XIRP2: variants seen among roughly 807,000 people sequenced by gnomAD.
The protein encoded by XIRP2 is xin actin binding repeat containing 2.
A neutral mutation model predicts 277.0 loss-of-function variants in XIRP2; 236 were observed. The ratio of observed to expected loss-of-function variants is 0.85; its 90% CI spans 0.77 to 0.95. XIRP2 has a LOEUF of 0.95. XIRP2 is among the 40% of genes least tolerant of loss of function. XIRP2 has a pLI of 0.00. For synonymous variants in XIRP2, 1,490 were observed against 1,416.5 expected, an observed-to-expected ratio of 1.05 and a Z score of -1.17; for missense variants, 4,640 against 4,157.5, an observed-to-expected ratio of 1.12 and a Z score of -3.19.
intron 2 of XIRP2, among the ~76,000 whole-genome samples, chr2:166,932,925 C>T (rs1329865492): frequency 3.3e-5 from 5 of 152,124 alleles, no homozygotes; most frequent in Admixed American, 1.3e-4. Flanking sequence ...AAACCAATAT[C>T]GCACTATCTT....
intron 7 of XIRP2, 150 bp from the exon 8 acceptor site, chr2:167,241,627 C>T (rs1695068813): frequency 2.5e-6 from 2 of 790,604 alleles, no homozygotes; most frequent in Non-Finnish European, 3.7e-6. Context: ...CCAGGCTGGT[C>T]TCACACCCTT....
intron 2 of XIRP2, among the ~76,000 whole-genome samples, chr2:166,952,323 T>C (rs1349600376): frequency 6.6e-6 from 1 of 152,032 alleles, no homozygotes. Flanking sequence ...ACTGTAAGTG[T>C]TCACTGAATT....
At chr2:167,113,363 GTTC>G in intron 2 of XIRP2, among the ~76,000 whole-genome samples, 1 of 152,154 alleles carries the variant, frequency 6.6e-6, no homozygotes, top group East Asian at 1.9e-4. Context: ...AAGATAGTGA[GTTC>G]TTCTTGTTGA....
intron 3 of XIRP2, among the ~76,000 whole-genome samples, chr2:167,187,029 ACT>A (rs1693174699): frequency 6.6e-6 from 1 of 152,112 alleles, no homozygotes; most frequent in South Asian, 2.1e-4. Context: ...CATATTCTTG[ACT>A]CTTAAAAGAT....
At chr2:167,084,154 T>C (rs1400102839) in intron 2 of XIRP2, among the ~76,000 whole-genome samples, 2 of 152,210 alleles carry the variant, frequency 1.3e-5, no homozygotes, top group Admixed American at 6.5e-5. Flanking sequence ...GCATGAATTG[T>C]TGTTGAATTT....
At chr2:166,916,887 A>G (rs1379775473) in intron 2 of XIRP2, among the ~76,000 whole-genome samples, 1 of 152,168 alleles carries the variant, frequency 6.6e-6, no homozygotes, top group African/African-American at 2.4e-5. Context: ...AGATTAATAC[A>G]CCACCTAATT....
At chr2:167,052,564 C>T (rs889040061) in intron 2 of XIRP2, among the ~76,000 whole-genome samples, 7 of 152,062 alleles carry the variant, frequency 4.6e-5, no homozygotes, top group African/African-American at 1.7e-4. Flanking sequence ...CTAAAATACT[C>T]CAAATTTTCT....
chr2:166,965,012 T>C (rs889109712), intron 2 of XIRP2, among the ~76,000 whole-genome samples: 6 of 151,846 alleles, frequency 4.0e-5, no homozygotes, highest in African/African-American at 1.4e-4. Flanking sequence ...ATAAGCACTT[T>C]GAACATCATC....
At chr2:167,015,428 A>G (rs1687794712) in intron 2 of XIRP2, among the ~76,000 whole-genome samples, 1 of 150,462 alleles carries the variant, frequency 6.6e-6, no homozygotes, top group East Asian at 2.1e-4. Flanking sequence ...TTATCTATCT[A>G]TCTATCTATC....
rs758016305 is a variant in XIRP2, at chr2:167,250,195, C to A, written c.8803C>A (p.Arg2935=). The change falls in exon 9 of 11, where the codon CGG becomes AGG. Residue 2935 remains arginine (R), a synonymous_variant. Coordinates refer to ENST00000409195, the MANE Select transcript of XIRP2 (RefSeq NM_152381.6). The part of the protein sequence containing the change: ...SFFSSVKESQ[R]DDGKGALNIV... Reference sequence around the variant, plus strand: ...CTTTTCCTCTGTGAAAGAATCCCAGCGGGATGATGGAAAAGGTGCCTTAAA... The same window carrying A: ...CTTTTCCTCTGTGAAAGAATCCCAGAGGGATGATGGAAAAGGTGCCTTAAA... 8 of 1,613,266 alleles carry A rather than the reference C, an allele frequency of 5.0e-6. No individual in the cohort carries two copies. The African/African-American group carries it at 6.7e-5, about 13-fold the overall frequency.
intron 3 of XIRP2, among the ~76,000 whole-genome samples, chr2:167,154,192 C>T (rs1252902123): frequency 1.3e-5 from 2 of 149,328 alleles, no homozygotes; most frequent in Non-Finnish European, 3.0e-5. Flanking sequence ...TGTTTTTTGG[C>T]TGCATAAATG....
chr2:166,935,467 C>CATTT (rs1685469453), intron 2 of XIRP2, among the ~76,000 whole-genome samples: 1 of 141,190 alleles, frequency 7.1e-6, no homozygotes, highest in African/African-American at 2.5e-5. Context: ...ACAACGTGCA[C>CATTT]GTTTGTTACA....
chr2:167,213,763 T>C (rs1573963522), intron 4 of XIRP2, among the ~76,000 whole-genome samples: 1 of 152,232 alleles, frequency 6.6e-6, no homozygotes, highest in Middle Eastern at 3.4e-3. Flanking sequence ...CTTGGGCAGG[T>C]CCTGCCATCT....
At chr2:167,155,894 C>A (rs1692180859) in intron 3 of XIRP2, among the ~76,000 whole-genome samples, 1 of 151,050 alleles carries the variant, frequency 6.6e-6, no homozygotes, top group African/African-American at 2.4e-5. Flanking sequence ...GCAACTTCAG[C>A]AAAGTCTCAG....
At chr2:167,221,532 C>T (rs1694431120) in intron 5 of XIRP2, among the ~76,000 whole-genome samples, 1 of 149,610 alleles carries the variant, frequency 6.7e-6, no homozygotes, top group East Asian at 2.0e-4. Flanking sequence ...AATTTGTAAT[C>T]CTTATTGGAA....
At position 166,976,743 on chromosome 2, in the gene XIRP2, C is replaced by G. The variant is rs559371785; in HGVS notation, c.408+72853C>G. ...AAAAAAACAAAAACAAAAAAACTAG[C>G]CATTTCCGTTGTAAGGAACTCAAGG... On this transcript the variant is annotated intron_variant, in intron 2 of 10. Transcript: ENST00000409195. Among the ~76,000 whole-genome samples, 3 of 152,250 alleles carry G rather than the reference C, an allele frequency of 2.0e-5. No individual in the cohort carries two copies. In the East Asian group the frequency reaches 5.8e-4, roughly 29 times the overall value.
At position 167,129,657 on chromosome 2, in the gene XIRP2, G is replaced by T. The variant is rs549191731; in HGVS notation, c.409-6252G>T. On this transcript the variant is annotated intron_variant, in intron 2 of 10. Transcript: ENST00000409195. ...AGGCCGAGGCAAGTGGATCACCTGA[G>T]GTTGGGAGTTCGAGAACAGCCTGAA... is the stretch of plus-strand genomic sequence containing the variant. Among the ~76,000 whole-genome samples the T allele has an allele frequency of 1.6e-4, 25 of 152,106 alleles. No homozygotes were observed. The South Asian group carries it at 5.0e-3, about 30-fold the overall frequency.
At chr2:166,941,535 C>T (rs1685717210) in intron 2 of XIRP2, among the ~76,000 whole-genome samples, 1 of 152,214 alleles carries the variant, frequency 6.6e-6, no homozygotes. Context: ...TTCTGCATCA[C>T]TCACACTGGG....
intron 3 of XIRP2, among the ~76,000 whole-genome samples, chr2:167,190,598 T>A (rs1034221569): frequency 6.6e-6 from 1 of 152,346 alleles, no homozygotes; most frequent in East Asian, 1.9e-4. Context: ...TTCCTAGTCA[T>A]TGGAATCCAC....
Sources: gnomAD v4.1 joint callset for allele counts (sites outside exome capture counted in the v4.1 genomes callset) on GRCh38, gnomAD v4.1.1 for gene constraint, MANE v1.5 for transcripts, NCBI Gene and HGNC (gene_info 2026-07-23, HGNC 2026-07-21) for gene names.